SMOC2: variants seen among roughly 807,000 people sequenced by gnomAD.
SMOC2 encodes the protein SPARC-related modular calcium-binding protein 2.
Under a neutral mutation model 61.4 loss-of-function variants are expected in SMOC2, and 39 were observed. The observed-to-expected ratio is 0.64, with a 90% CI of 0.49 to 0.83. The LOEUF (loss-of-function observed/expected upper bound fraction) is 0.83. Among genes scored for constraint, SMOC2 ranks in the 40% least tolerant of loss-of-function variants. SMOC2 has a pLI of 0.00. For missense variants in SMOC2, 556 were observed against 592.9 expected (o/e 0.94, Z 0.65); for synonymous variants, 247 against 239.9 (o/e 1.03, Z -0.27).
At chr6:168,552,467 T>C (rs1288988821) in intron 7 of SMOC2, among the ~76,000 whole-genome samples, 4 of 152,168 alleles carry the variant, frequency 2.6e-5, no homozygotes, top group Non-Finnish European at 5.9e-5. Context: ...TGCATTGCTT[T>C]TTGTTTCTCT....
chr6:168,633,919 C>T (rs1340445466), intron 9 of SMOC2, among the ~76,000 whole-genome samples: 1 of 152,168 alleles, frequency 6.6e-6, no homozygotes, highest in Non-Finnish European at 1.5e-5. Flanking sequence ...CTACACTGCT[C>T]TTCTCATGAT....
intron 8 of SMOC2, among the ~76,000 whole-genome samples, chr6:168,607,722 T>C (rs544795247): frequency 6.8e-5 from 9 of 133,260 alleles, no homozygotes; most frequent in African/African-American, 2.5e-4. Context: ...GGGGTAGTGG[T>C]CACACCCTCT....
At chr6:168,495,387 C>T (rs971264525) in intron 1 of SMOC2, among the ~76,000 whole-genome samples, 6 of 152,222 alleles carry the variant, frequency 3.9e-5, no homozygotes, top group African/African-American at 9.6e-5. Context: ...CCGCGGCTCC[C>T]GGTGCCCACC....
chr6:168,578,995 C>T (rs1784867886), intron 7 of SMOC2, among the ~76,000 whole-genome samples: 1 of 152,152 alleles, frequency 6.6e-6, no homozygotes, highest in African/African-American at 2.4e-5. Flanking sequence ...GCTAAAGGCC[C>T]TGAGTGCCCA....
At position 168,509,929 on chromosome 6, in the gene SMOC2, T is replaced by C. The variant is rs144956696; in HGVS notation, c.99T>C (p.Asp33=). Residue 33 remains aspartate, a synonymous_variant, in exon 2 of 13, where the codon GAT becomes GAC. Coordinates refer to ENST00000356284, the MANE Select transcript of SMOC2 (RefSeq NM_001166412.2). ...KFSALTFLRV[D]QDKDKDCSLD... ...TCTCCTTTAAGTTTTTGAGAGTGGA[T>C]CAAGATAAAGACAAGGATTGTAGCT... 338 of 1,601,128 alleles carry C rather than the reference T, an allele frequency of 2.1e-4. 2 individuals are homozygous for C. The East Asian group carries it at 6.0e-3, about 29-fold the overall frequency.
At chr6:168,455,553 C>T (rs531471773) in intron 1 of SMOC2, among the ~76,000 whole-genome samples, 2 of 152,220 alleles carry the variant, frequency 1.3e-5, no homozygotes, top group Admixed American at 6.5e-5. Flanking sequence ...GTTTATTGTT[C>T]CCTTCTTAAA....
intron 2 of SMOC2, among the ~76,000 whole-genome samples, chr6:168,521,396 G>A (rs536696459): frequency 7.2e-5 from 11 of 152,134 alleles, no homozygotes; most frequent in Non-Finnish European, 1.2e-4. Context: ...TGATGCACCC[G>A]CCTTGGCCTC....
At chr6:168,511,845 G>A (rs1037182444) in intron 2 of SMOC2, among the ~76,000 whole-genome samples, 12 of 109,946 alleles carry the variant, frequency 1.1e-4, no homozygotes, top group African/African-American at 3.9e-4. Flanking sequence ...ATTACAGTTT[G>A]TTCAAAGTCA....
intron 1 of SMOC2, among the ~76,000 whole-genome samples, chr6:168,455,452 G>A (rs1240185056): frequency 6.6e-6 from 1 of 152,176 alleles, no homozygotes; most frequent in Non-Finnish European, 1.5e-5. Context: ...GCAGCTGGCT[G>A]TGGTGGGCGG....
At chr6:168,620,480 C>T (rs535277500) in intron 9 of SMOC2, among the ~76,000 whole-genome samples, 1 of 152,248 alleles carries the variant, frequency 6.6e-6, no homozygotes, top group East Asian at 1.9e-4. Flanking sequence ...TGCTCTTGAA[C>T]AAGAAAGCCA....
intron 9 of SMOC2, among the ~76,000 whole-genome samples, chr6:168,632,597 T>C (rs1398328097): frequency 6.6e-6 from 1 of 152,236 alleles, no homozygotes; most frequent in Admixed American, 6.5e-5. Context: ...ATATTGTAGA[T>C]GTTGGCTCAA....
intron 9 of SMOC2, among the ~76,000 whole-genome samples, chr6:168,650,115 G>C (rs534646890): frequency 6.6e-6 from 1 of 152,290 alleles, no homozygotes; most frequent in South Asian, 2.1e-4. Context: ...TCCGCGCTGG[G>C]CTCCAAAGCT....
intron 9 of SMOC2, among the ~76,000 whole-genome samples, chr6:168,631,826 A>G (rs569346163): frequency 3.3e-5 from 5 of 152,304 alleles, no homozygotes; most frequent in Admixed American, 2.6e-4. Flanking sequence ...GAGAAGGTGC[A>G]TGAGGTCTTT....
chr6:168,562,988 G>T (rs1213806524), intron 7 of SMOC2, among the ~76,000 whole-genome samples: 1 of 152,228 alleles, frequency 6.6e-6, no homozygotes, highest in African/African-American at 2.4e-5. Context: ...ACGTAGGCAT[G>T]CTCCCCGGAA....
At chr6:168,587,724 C>G (rs2115168147) in intron 7 of SMOC2, among the ~76,000 whole-genome samples, 1 of 152,304 alleles carries the variant, frequency 6.6e-6, no homozygotes, top group South Asian at 2.1e-4. Flanking sequence ...TGGGAATTTC[C>G]TGCAGGCAAA....
At chr6:168,499,162 A>G (rs929984357) in intron 1 of SMOC2, among the ~76,000 whole-genome samples, 1 of 151,846 alleles carries the variant, frequency 6.6e-6, no homozygotes, top group Non-Finnish European at 1.5e-5. Flanking sequence ...TCTACTACAC[A>G]TGGAAACCCT....
At chr6:168,568,954 G>A (rs2115137792) in intron 7 of SMOC2, among the ~76,000 whole-genome samples, 1 of 152,290 alleles carries the variant, frequency 6.6e-6, no homozygotes, top group South Asian at 2.1e-4. Context: ...GTTTACCACT[G>A]GAAAGGCATC....
intron 7 of SMOC2, among the ~76,000 whole-genome samples, chr6:168,552,364 G>C (rs1376066979): frequency 2.0e-5 from 3 of 152,128 alleles, no homozygotes; most frequent in African/African-American, 7.2e-5. Context: ...GAAAATGTAA[G>C]TAATTTTTGA....
chr6:168,629,273 C>A (rs78466035), intron 9 of SMOC2, among the ~76,000 whole-genome samples: 1 of 152,232 alleles, frequency 6.6e-6, no homozygotes, highest in East Asian at 1.9e-4. Flanking sequence ...AGGTCCTCAT[C>A]GCCCCCAAGT....
Sources: allele counts gnomAD v4.1 joint callset (sites outside exome capture counted in the v4.1 genomes callset), GRCh38; gene constraint gnomAD v4.1.1; transcripts MANE v1.5; gene names NCBI Gene and HGNC (gene_info 2026-07-23, HGNC 2026-07-21).